Variants in SUN3 observed in about 807,000 individuals in gnomAD.
The protein encoded by SUN3 is SUN domain-containing protein 3.
Under a neutral mutation model 48.2 loss-of-function variants are expected in SUN3, and 36 were observed. That is an observed-to-expected ratio of 0.75 (90% CI 0.57 to 0.99). The LOEUF (loss-of-function observed/expected upper bound fraction) is 0.99, where lower values mean the gene tolerates loss of function less well. Ranked by LOEUF, SUN3 falls within the 50% of genes least tolerant of loss-of-function variation. The pLI is 0.00. For missense variants in SUN3, 419 were observed against 433.1 expected (o/e 0.97, Z 0.29); for synonymous variants, 148 against 147.9 (o/e 1.00, Z 0.00).
intron 1 of SUN3, among the ~76,000 whole-genome samples, chr7:48,028,553 T>G (rs754155204): frequency 3.3e-5 from 5 of 151,738 alleles, no homozygotes; most frequent in Admixed American, 3.3e-4. Flanking sequence ...TGTGGCTCAT[T>G]CTTTTAAAGA....
intron 2 of SUN3, among the ~76,000 whole-genome samples, chr7:48,021,223 C>T (rs1789985777): frequency 6.6e-6 from 1 of 152,050 alleles, no homozygotes; most frequent in Admixed American, 6.6e-5. Flanking sequence ...AAGAATGAAA[C>T]TAGACCCCTA....
intron 8 of SUN3, among the ~76,000 whole-genome samples, chr7:47,993,416 C>T (rs1291657672): frequency 6.6e-6 from 1 of 152,046 alleles, no homozygotes; most frequent in African/African-American, 2.4e-5. Context: ...AAATGTCCAT[C>T]AACTGATGAA....
intron 1 of SUN3, among the ~76,000 whole-genome samples, chr7:48,028,194 A>T (rs1583787614): frequency 6.6e-6 from 1 of 152,152 alleles, no homozygotes; most frequent in East Asian, 1.9e-4. Context: ...CATTGTTACC[A>T]ATAGGAAGGT....
upstream of SUN3, chr7:48,029,157 A>T (rs779088686): frequency 1.7e-6 from 1 of 572,718 alleles, no homozygotes; most frequent in South Asian, 2.1e-5. Context: ...GCAGATGGCC[A>T]CCACGCCCAG....
intron 6 of SUN3, among the ~76,000 whole-genome samples, chr7:47,997,347 C>T (rs1422532498): frequency 6.6e-6 from 1 of 152,022 alleles, no homozygotes; most frequent in Non-Finnish European, 1.5e-5. Flanking sequence ...TCTGGAAACC[C>T]TATGTGTACT....
chr7:48,007,493 T>C (rs1789559558), intron 4 of SUN3, among the ~76,000 whole-genome samples, 166 bp from the exon 5 acceptor site: 1 of 151,852 alleles, frequency 6.6e-6, no homozygotes, highest in Non-Finnish European at 1.5e-5. Flanking sequence ...AGCATCACGC[T>C]TCACTAAAAA....
At position 48,007,114 on chromosome 7, in the gene SUN3, C is replaced by T. The variant is rs566004974; in HGVS notation, c.492+51G>A. 11 of 1,557,548 alleles carry T rather than the reference C, an allele frequency of 7.1e-6. No homozygotes were observed. The East Asian group carries it at 1.6e-4, about 22-fold the overall frequency. ...CTCACTCCCCGTCACCCTGGACATC[C>T]GCGCTAACCACCACCCCACCCTGCC... On this transcript the variant is annotated intron_variant, in intron 5 of 9. Transcript: ENST00000297325.
At chr7:48,014,799 G>T (rs1562609807) in intron 3 of SUN3, among the ~76,000 whole-genome samples, 1 of 152,184 alleles carries the variant, frequency 6.6e-6, no homozygotes, top group Non-Finnish European at 1.5e-5. Context: ...TTAAATGATT[G>T]CAGGGGCTAA....
chr7:48,004,545 C>T (rs1358446524), intron 6 of SUN3, among the ~76,000 whole-genome samples: 1 of 152,244 alleles, frequency 6.6e-6, no homozygotes, highest in African/African-American at 2.4e-5. Flanking sequence ...GGTCTGTTCC[C>T]ATGAATGGGC....
At chr7:48,028,461 T>C (rs980274194) in intron 1 of SUN3, among the ~76,000 whole-genome samples, 2 of 88,904 alleles carry the variant, frequency 2.2e-5, no homozygotes, top group Admixed American at 3.6e-4. Context: ...ACCAAGACTA[T>C]ACAAGCTAGC....
In SUN3 at chr7:48,022,902, T is replaced by C. The variant is rs539017648; in HGVS notation, c.184+2975A>G. On this transcript the variant is annotated intron_variant, in intron 2 of 9. Coordinates refer to ENST00000297325, the MANE Select transcript of SUN3 (RefSeq NM_001030019.2). Reference sequence around the variant, plus strand: ...GCGTTGAAAGAAAAAAAATTCTATATATGAGAAAACGATTCTCCCAACTGC... The same window carrying C: ...GCGTTGAAAGAAAAAAAATTCTATACATGAGAAAACGATTCTCCCAACTGC... 3.3e-5 allele frequency among the ~76,000 whole-genome samples: 5 copies of C among 152,182 alleles called. No individual in the cohort carries two copies. In the South Asian group the frequency reaches 1.0e-3, roughly 32 times the overall value.
intron 3 of SUN3, among the ~76,000 whole-genome samples, chr7:48,015,120 C>T (rs948636148): frequency 1.3e-5 from 2 of 152,186 alleles, no homozygotes; most frequent in African/African-American, 2.4e-5. Flanking sequence ...ACCATCACAA[C>T]GAAGCTTAGG....
At position 48,008,480 on chromosome 7, in the gene SUN3, T is replaced by A. The variant is rs533230288; in HGVS notation, c.329+555A>T. ...TCTTCATTTCATGAATATATTCCAA[T>A]GTATTTAACCATTGGCCTAATTTTC... On this transcript the variant is annotated intron_variant, in intron 4 of 9. Coordinates refer to ENST00000297325, the MANE Select transcript of SUN3 (RefSeq NM_001030019.2). Among the ~76,000 whole-genome samples, 7 of 152,356 alleles carry A rather than the reference T, an allele frequency of 4.6e-5. No individual in the cohort carries two copies. The East Asian group carries it at 1.3e-3, about 29-fold the overall frequency.
At chr7:47,991,172 C>T in intron 8 of SUN3, 1 of 382,200 alleles carries the variant, frequency 2.6e-6, no homozygotes, top group Admixed American at 3.3e-5. Flanking sequence ...CTGCTTTAGC[C>T]TTTTAAGGAG....
intron 3 of SUN3, among the ~76,000 whole-genome samples, chr7:48,011,222 T>C (rs1226119850): frequency 6.6e-6 from 1 of 152,238 alleles, no homozygotes; most frequent in African/African-American, 2.4e-5. Context: ...TGACCATCAA[T>C]GTGCTATCTG....
upstream of SUN3, among the ~76,000 whole-genome samples, chr7:48,032,402 G>A (rs757748378): frequency 7.2e-5 from 11 of 152,126 alleles, no homozygotes; most frequent in Non-Finnish European, 1.5e-4. Flanking sequence ...AGTTTTGTTT[G>A]TTAATTATAT....
chr7:48,024,492 T>TAA (rs138692431), intron 2 of SUN3, among the ~76,000 whole-genome samples: 37 of 151,222 alleles, frequency 2.4e-4, no homozygotes, highest in African/African-American at 9.0e-4. Flanking sequence ...GGCTGTAATT[T>TAA]AAAAAAAAAG....
At chr7:48,029,115 C>G (rs147807152), upstream of SUN3, 40 of 892,516 alleles carry the variant, frequency 4.5e-5, no homozygotes, top group East Asian at 4.9e-4. Context: ...TCTGATTCTT[C>G]TGTTGCATCA....
chr7:48,035,387 C>T, the SUN3 span: 261,863 of 617,468 alleles, frequency 0.42, 56,637 homozygotes, highest in Middle Eastern at 0.58. The surrounding 1 kb of genome is among the most constrained non-coding windows in gnomAD (Gnocchi z 4.0). Flanking sequence ...AGTTGACAGG[C>T]GGCGCCCGCG....
Sources: allele counts gnomAD v4.1 joint callset (sites outside exome capture counted in the v4.1 genomes callset), GRCh38; gene constraint gnomAD v4.1.1; non-coding constraint Gnocchi (gnomAD v3.1); transcripts MANE v1.5; gene names NCBI Gene and HGNC (gene_info 2026-07-23, HGNC 2026-07-21).